Variants in CAP2 observed in about 807,000 individuals in gnomAD.
The protein encoded by CAP2 is adenylyl cyclase-associated protein 2.
Under a neutral mutation model 57.7 loss-of-function variants are expected in CAP2, and 24 were observed. The ratio of observed to expected loss-of-function variants is 0.42; its 90% confidence interval spans 0.30 to 0.58. CAP2 has a LOEUF of 0.58. Among genes scored for constraint, CAP2 ranks in the 20% least tolerant of loss-of-function variants. The pLI is 0.22. For synonymous variants in CAP2, 194 were observed against 207.2 expected (o/e 0.94, Z 0.55); for missense variants, 501 against 590.3 (o/e 0.85, Z 1.57).
chr6:17,539,542 G>A (rs1412521307), intron 8 of CAP2, 84 bp downstream of exon 8: 1 of 1,016,476 alleles, frequency 9.8e-7, no homozygotes, highest in East Asian at 2.5e-5. Flanking sequence ...CCCCAGTGAT[G>A]GATACATCAC....
At chr6:17,444,140 G>T (rs1311210034) in intron 3 of CAP2, among the ~76,000 whole-genome samples, 1 of 152,164 alleles carries the variant, frequency 6.6e-6, no homozygotes, top group South Asian at 2.1e-4. Context: ...TTATTACAAG[G>T]TTCCAGAATT....
chr6:17,456,301 T>C (rs982204912), intron 3 of CAP2, among the ~76,000 whole-genome samples: 8 of 152,228 alleles, frequency 5.3e-5, no homozygotes, highest in African/African-American at 1.4e-4. Flanking sequence ...CAGATATCTT[T>C]CTTATTCTGA....
At chr6:17,531,529 A>C (rs1165201549) in intron 7 of CAP2, 1 of 1,533,206 alleles carries the variant, frequency 6.5e-7, no homozygotes, top group East Asian at 2.2e-5. Context: ...TCTTTTGGAC[A>C]AACTTCTTTC....
At chr6:17,531,259 C>A in intron 7 of CAP2, 1 of 812,766 alleles carries the variant, frequency 1.2e-6, no homozygotes, top group Admixed American at 1.7e-5. Context: ...TTAACTGAAG[C>A]CTTGTTGAGC....
intron 4 of CAP2, among the ~76,000 whole-genome samples, chr6:17,482,292 C>T (rs753816410): frequency 1.3e-5 from 2 of 151,860 alleles, no homozygotes; most frequent in Non-Finnish European, 2.9e-5. Flanking sequence ...ATGATCTGGC[C>T]GAGGTGGGAG....
intron 7 of CAP2, among the ~76,000 whole-genome samples, chr6:17,529,218 A>G (rs1462546205): frequency 6.6e-6 from 1 of 152,234 alleles, no homozygotes; most frequent in Non-Finnish European, 1.5e-5. Flanking sequence ...AGTGTGCTAT[A>G]AATATGAATG....
chr6:17,474,870 G>A (rs533620931), intron 4 of CAP2, among the ~76,000 whole-genome samples: 2 of 151,972 alleles, frequency 1.3e-5, no homozygotes, highest in South Asian at 2.1e-4. Flanking sequence ...AGAGAGGCTC[G>A]GGTTCCGAGT....
intron 4 of CAP2, among the ~76,000 whole-genome samples, chr6:17,478,393 G>A (rs559452304): frequency 4.2e-5 from 6 of 144,172 alleles, no homozygotes; most frequent in South Asian, 2.2e-4. Flanking sequence ...CAATCCACCC[G>A]CCTCAGCCTC....
intron 11 of CAP2, among the ~76,000 whole-genome samples, chr6:17,550,394 C>A (rs980696735): frequency 1.5e-4 from 8 of 52,046 alleles, no homozygotes; most frequent in African/African-American, 6.2e-4. Flanking sequence ...CTACCCCTGC[C>A]TTTTTTTTTT....
chr6:17,416,821 C>T (rs1406152384), intron 1 of CAP2, among the ~76,000 whole-genome samples: 1 of 152,160 alleles, frequency 6.6e-6, no homozygotes, highest in East Asian at 1.9e-4. Context: ...GCCTGGATGC[C>T]ATGGCTCATG....
chr6:17,429,268 T>C (rs536825985), intron 3 of CAP2, among the ~76,000 whole-genome samples: 2 of 152,362 alleles, frequency 1.3e-5, no homozygotes, highest in African/African-American at 4.8e-5. Flanking sequence ...GAGTGATTGA[T>C]GAACATTTTC....
At chr6:17,421,533 A>C in intron 1 of CAP2, 22 bp from the exon 2 acceptor site, 1 of 1,614,104 alleles carries the variant, frequency 6.2e-7, no homozygotes, top group Non-Finnish European at 8.5e-7. Flanking sequence ...CGCAGCCTCC[A>C]TTTGTGCCTG....
In CAP2 at chr6:17,439,026, G is replaced by A. The variant is rs936238879; in HGVS notation, c.222+12336G>A. Among the ~76,000 whole-genome samples the A allele has an allele frequency of 1.2e-4, 18 of 150,704 alleles. 2 individuals are homozygous for A. Among genetic ancestry groups the A allele is most frequent in the Admixed American group, 3.3e-4 (5 of 15,204 alleles). Reference sequence around the variant, plus strand: ...CTTGGGAGGCTGGGGCAGGAGAATCGCTTGAACCCAGGAGCCGGAGGTTGC... The same window carrying A: ...CTTGGGAGGCTGGGGCAGGAGAATCACTTGAACCCAGGAGCCGGAGGTTGC... On this transcript the variant is annotated intron_variant, in intron 3 of 12. Coordinates refer to ENST00000229922, the MANE Select transcript of CAP2 (RefSeq NM_006366.3).
chr6:17,455,387 G>C (rs186541344), intron 3 of CAP2, among the ~76,000 whole-genome samples: 4 of 152,030 alleles, frequency 2.6e-5, no homozygotes, highest in African/African-American at 9.7e-5. Context: ...AGCCCACCCC[G>C]AGGGAAGAAT....
rs915506994 is a variant in CAP2, at chr6:17,513,313, A to G, written c.531-536A>G. The stretch of plus-strand genomic sequence containing the variant: ...GGTGTTACCTGTTTGTAAGAGATCA[A>G]TTTTCTTCCTATACCAACTTCTTTG... On this transcript the variant is annotated intron_variant, in intron 6 of 12. Coordinates refer to ENST00000229922, the MANE Select transcript of CAP2 (RefSeq NM_006366.3). The surrounding 1 kb of genome is among the most constrained non-coding windows in gnomAD (Gnocchi z 4.3). Among the ~76,000 whole-genome samples, 28 of 152,142 alleles carry G rather than the reference A, an allele frequency of 1.8e-4. No homozygotes were observed. The highest frequency in any genetic ancestry group is 1.8e-3 in the Admixed American group (27 of 15,270).
chr6:17,410,994 G>A (rs775796783), intron 1 of CAP2, among the ~76,000 whole-genome samples: 1 of 152,044 alleles, frequency 6.6e-6, no homozygotes, highest in Non-Finnish European at 1.5e-5. Flanking sequence ...CCTACTTTCT[G>A]TCTCTATAGA....
At chr6:17,526,446 T>C (rs1176419427) in intron 7 of CAP2, among the ~76,000 whole-genome samples, 1 of 152,048 alleles carries the variant, frequency 6.6e-6, no homozygotes, top group East Asian at 1.9e-4. Context: ...TGTCCAGTGA[T>C]AGGAATGGAA....
intron 4 of CAP2, among the ~76,000 whole-genome samples, chr6:17,476,540 G>T (rs1369910226): frequency 6.6e-6 from 1 of 152,148 alleles, no homozygotes; most frequent in Non-Finnish European, 1.5e-5. Flanking sequence ...CTTGAGATTG[G>T]ATTATCTTTT....
rs1171650575 is a variant in CAP2, at chr6:17,418,421, G to T, written c.-1-3134G>T. Among the ~76,000 whole-genome samples the T allele has an allele frequency of 5.3e-5, 8 of 152,084 alleles. No homozygotes were observed. In the East Asian group the frequency reaches 1.5e-3, roughly 29 times the overall value. On this transcript the variant is annotated intron_variant, in intron 1 of 12. Transcript: ENST00000229922. ...TGGAGTGACATCTGAGTCGCTTTTC[G>T]ACTGCATTCCACACCAATCTGTCCA...
Sources: allele counts gnomAD v4.1 joint callset (sites outside exome capture counted in the v4.1 genomes callset), GRCh38; gene constraint gnomAD v4.1.1; non-coding constraint Gnocchi (gnomAD v3.1); transcripts MANE v1.5; gene names NCBI Gene and HGNC (gene_info 2026-07-23, HGNC 2026-07-21).